Variants in CASTOR2 observed in about 807,000 individuals in gnomAD.
CASTOR2 encodes GATS protein like 2.
In CASTOR2, 8 loss-of-function variants were observed where a neutral mutation model predicts 31.2. That is an observed-to-expected ratio of 0.26 (90% CI 0.15 to 0.46). The LOEUF (loss-of-function observed/expected upper bound fraction) is 0.46. Among genes scored for constraint, CASTOR2 ranks in the 20% least tolerant of loss-of-function variants. CASTOR2 has a pLI of 0.99. For missense variants in CASTOR2, 216 were observed against 382.1 expected, an observed-to-expected ratio of 0.57 and a Z score of 3.62; for synonymous variants, 162 against 158.7, an observed-to-expected ratio of 1.02 and a Z score of -0.16.
intron 1 of CASTOR2, among the ~76,000 whole-genome samples, chr7:74,991,008 G>C (rs1804197032): frequency 6.6e-6 from 1 of 151,160 alleles, no homozygotes; most frequent in Non-Finnish European, 1.5e-5. Flanking sequence ...AGGAGTTAGA[G>C]GCTGCAGTGA....
At position 75,028,054 on chromosome 7, in the gene CASTOR2, T is replaced by C. The variant is rs1260817202; in HGVS notation, c.*3355T>C. On this transcript the variant is annotated 3_prime_UTR_variant, in exon 9 of 9. Coordinates refer to ENST00000616305, the MANE Select transcript of CASTOR2 (RefSeq NM_001145064.3). ...TAATCAGAGGAGTGGGCCTGTTGTC[T>C]TGGCGCTGGCGGATGGGGCAGGTGC... The C allele has an allele frequency of 2.9e-5, 44 of 1,534,388 alleles. No homozygotes were observed. Among genetic ancestry groups the C allele is most frequent in the Non-Finnish European group, 3.8e-5 (44 of 1,146,676 alleles).
At chr7:75,017,826 C>T in intron 3 of CASTOR2, 35 bp downstream of exon 3, 3 of 1,613,642 alleles carry the variant, frequency 1.9e-6, no homozygotes, top group Non-Finnish European at 2.5e-6. Context: ...CTTGCACACT[C>T]ATGCCCGCCT....
intron 1 of CASTOR2, among the ~76,000 whole-genome samples, chr7:74,975,022 G>A (rs1375495738): frequency 6.6e-6 from 1 of 151,002 alleles, no homozygotes; most frequent in Non-Finnish European, 1.5e-5. Context: ...AGGCTGGAGT[G>A]CAGTGGCACG....
Position 75,019,552 on chromosome 7 carries a change from A to G in CASTOR2, c.635+457A>G, listed in dbSNP as rs979127577. Among the ~76,000 whole-genome samples, 170 of 152,218 alleles carry G rather than the reference A, an allele frequency of 1.1e-3. 1 individual carries two copies. The highest frequency in any genetic ancestry group is 2.1e-3 in the Non-Finnish European group (145 of 68,002). On this transcript the variant is annotated intron_variant, in intron 5 of 8. Coordinates refer to ENST00000616305, the MANE Select transcript of CASTOR2 (RefSeq NM_001145064.3). ...AGGGGTGAGACATCCTACCCTGGGA[A>G]CCCCAAAATTTGGTGACGCCCCAAA... is the stretch of plus-strand genomic sequence containing the variant.
chr7:75,018,485 G>A (rs1314623683), intron 4 of CASTOR2, among the ~76,000 whole-genome samples: 4 of 152,154 alleles, frequency 2.6e-5, no homozygotes, highest in Non-Finnish European at 5.9e-5. Flanking sequence ...GTTGTGGTGA[G>A]CCGAGATTGT....
intron 2 of CASTOR2, among the ~76,000 whole-genome samples, chr7:75,009,522 C>G (rs1171459750): frequency 6.6e-6 from 1 of 151,962 alleles, no homozygotes; most frequent in Admixed American, 6.6e-5. Flanking sequence ...CCCACCTCGG[C>G]CTCCCAAAAT....
intron 5 of CASTOR2, 87 bp downstream of exon 5, chr7:75,019,182 C>T (rs2131955120): frequency 6.5e-7 from 1 of 1,547,486 alleles, no homozygotes; most frequent in Non-Finnish European, 8.7e-7. Flanking sequence ...ACGGGGGAGG[C>T]TTTGCTAGGA....
At chr7:74,990,771 C>G (rs1388182249) in intron 1 of CASTOR2, among the ~76,000 whole-genome samples, 3 of 152,184 alleles carry the variant, frequency 2.0e-5, no homozygotes, top group Non-Finnish European at 4.4e-5. Context: ...AGGAGAATCA[C>G]TTGAATGCGG....
chr7:75,016,518 A>T (rs1804867903), intron 2 of CASTOR2, among the ~76,000 whole-genome samples: 1 of 152,240 alleles, frequency 6.6e-6, no homozygotes, highest in Admixed American at 6.5e-5. Flanking sequence ...GAGAAGCCCA[A>T]TGTGCAGGGC....
chr7:74,967,611 C>T (rs1348244172), intron 1 of CASTOR2, among the ~76,000 whole-genome samples: 1 of 78,476 alleles, frequency 1.3e-5, no homozygotes, highest in Non-Finnish European at 2.6e-5. Context: ...GGCGCCATCT[C>T]GGCTCACTGC....
At chr7:74,997,692 G>T (rs1411673793) in intron 1 of CASTOR2, among the ~76,000 whole-genome samples, 20 of 151,894 alleles carry the variant, frequency 1.3e-4, no homozygotes, top group African/African-American at 4.3e-4. Flanking sequence ...TCCCCAAAGT[G>T]ATGGGATTAC....
intron 2 of CASTOR2, among the ~76,000 whole-genome samples, chr7:75,011,892 G>C (rs1343948066): frequency 6.6e-6 from 1 of 151,534 alleles, no homozygotes; most frequent in Admixed American, 6.6e-5. Flanking sequence ...GCTTGAACCC[G>C]GGAGGTGGAG....
In CASTOR2 at chr7:75,025,323, A is replaced by T. The variant is rs1805097473; in HGVS notation, c.*624A>T. On this transcript the variant is annotated 3_prime_UTR_variant, in exon 9 of 9. Coordinates refer to ENST00000616305, the MANE Select transcript of CASTOR2 (RefSeq NM_001145064.3). Reference sequence around the variant, plus strand: ...TCCCCCTGTACCTCGCCTGCCAACCACAGGGCCTGGGCCCGACTCCCAGCA... The same window carrying T: ...TCCCCCTGTACCTCGCCTGCCAACCTCAGGGCCTGGGCCCGACTCCCAGCA... Among the ~76,000 whole-genome samples the T allele has an allele frequency of 6.6e-6, 1 of 152,108 alleles. No homozygotes were observed. The highest frequency in any genetic ancestry group is 1.5e-5 in the Non-Finnish European group (1 of 67,996).
chr7:74,986,255 T>TGG (rs797026148), intron 1 of CASTOR2, among the ~76,000 whole-genome samples: 5,036 of 149,262 alleles, frequency 0.034, 103 homozygotes, highest in Non-Finnish European at 0.046. Flanking sequence ...AACATGCCTG[T>TGG]GGGGGGTGGA....
At chr7:75,004,373 G>A (rs1483793110) in intron 1 of CASTOR2, among the ~76,000 whole-genome samples, 1 of 152,120 alleles carries the variant, frequency 6.6e-6, no homozygotes, top group Non-Finnish European at 1.5e-5. Context: ...ATTGATGAGC[G>A]TGGGTGGTTG....
chr7:75,008,195 C>T (rs1804648172), intron 2 of CASTOR2, 131 bp downstream of exon 2: 5 of 1,184,632 alleles, frequency 4.2e-6, no homozygotes, highest in Admixed American at 3.6e-5. Context: ...CTTCTGCCCT[C>T]ATCTGCTGGT....
chr7:74,995,764 C>T (rs1318925530), intron 1 of CASTOR2, among the ~76,000 whole-genome samples: 1 of 151,196 alleles, frequency 6.6e-6, no homozygotes, highest in African/African-American at 2.4e-5. Flanking sequence ...GCCGAGATCA[C>T]GCCACTGCGC....
chr7:74,986,152 ACTC>A (rs1804060194), intron 1 of CASTOR2, among the ~76,000 whole-genome samples: 1 of 148,260 alleles, frequency 6.7e-6, no homozygotes, highest in Non-Finnish European at 1.5e-5. Flanking sequence ...CTGGTCTTGA[ACTC>A]CTGACCTCAA....
intron 1 of CASTOR2, among the ~76,000 whole-genome samples, chr7:74,975,008 G>A (rs1803768327): frequency 1.3e-5 from 2 of 150,148 alleles, no homozygotes; most frequent in Admixed American, 1.3e-4. Context: ...ACACTCTGTT[G>A]CCCAGGCTGG....
Sources: gnomAD v4.1 joint callset for allele counts (sites outside exome capture counted in the v4.1 genomes callset) on GRCh38, gnomAD v4.1.1 for gene constraint, MANE v1.5 for transcripts, NCBI Gene and HGNC (gene_info 2026-07-23, HGNC 2026-07-21) for gene names.